NOB1: variants seen among roughly 807,000 people sequenced by gnomAD.
NOB1 encodes RNA-binding protein NOB1.
NOB1 carries 44 observed loss-of-function variants against 44.8 expected under a neutral mutation model. That is an observed-to-expected ratio of 0.98 (90% CI 0.77 to 1.26). NOB1 has a LOEUF of 1.26. Among genes scored for constraint, NOB1 ranks in the 50% most tolerant of loss-of-function variants. The probability of loss-of-function intolerance (pLI) is 0.00; values close to 1 mark genes in which losing one functional copy is unlikely to be tolerated. For missense variants in NOB1, 560 were observed against 544.8 expected, an observed-to-expected ratio of 1.03 and a Z score of -0.28; for synonymous variants, 238 against 218.7, an observed-to-expected ratio of 1.09 and a Z score of -0.78.
rs1214638819 is a variant in NOB1 at position 69,742,614 on chromosome 16, CAAGG to C, written c.970-17_970-14del. The stretch of plus-strand genomic sequence containing the variant: ...TGGGAAGCGAGTACTGGAAATAAGA[CAAGG>C]AAGGGCCATTAGAAGAAGGGGAGCC... On this transcript the variant is annotated splice_polypyrimidine_tract_variant and intron_variant, in intron 8 of 8. Coordinates refer to ENST00000268802, the MANE Select transcript of NOB1 (RefSeq NM_014062.3). 2 of 1,612,810 alleles carry C rather than the reference CAAGG, an allele frequency of 1.2e-6. No individual in the cohort carries two copies. The highest frequency in any genetic ancestry group is 1.3e-5 in the African/African-American group (1 of 74,832).
intron 3 of NOB1, among the ~76,000 whole-genome samples, chr16:69,750,526 C>T (rs1318216726): frequency 2.6e-5 from 4 of 152,058 alleles, no homozygotes; most frequent in East Asian, 3.9e-4. Flanking sequence ...ACTCGGGAGG[C>T]TGAGGTAGGA....
At chr16:69,752,812 G>A (rs959357293) in intron 2 of NOB1, among the ~76,000 whole-genome samples, 1 of 152,134 alleles carries the variant, frequency 6.6e-6, no homozygotes, top group African/African-American at 2.4e-5. Flanking sequence ...GGGGGGGCCT[G>A]TAATCCCAGC....
chr16:69,748,915 C>T lies in NOB1; in HGVS notation c.726+3G>A. Reference sequence around the variant, plus strand: ...ACACACGGCCCAGGCCCACCCTACCCACCTGCATGGCGAAGTCTGTGGTCA... The same window carrying T: ...ACACACGGCCCAGGCCCACCCTACCTACCTGCATGGCGAAGTCTGTGGTCA... On this transcript the variant is annotated splice_donor_region_variant and intron_variant, in intron 6 of 8. Transcript: ENST00000268802. 3 of 1,598,294 alleles carry T rather than the reference C, an allele frequency of 1.9e-6. No individual in the cohort carries two copies. Among genetic ancestry groups the T allele is most frequent in the Non-Finnish European group, 2.6e-6 (3 of 1,171,442 alleles).
At position 69,748,235 on chromosome 16, in the gene NOB1, A is replaced by T. The variant is rs2038449600; in HGVS notation, c.821T>A (p.Phe274Tyr). The change falls in exon 7 of 9, where the codon TTC becomes TAC. Residue 274 changes from phenylalanine to tyrosine, a missense_variant. Physicochemically the swap from Phe to Tyr is conservative, Grantham distance 22. Transcript: ENST00000268802. ...GGCCAGGGCACCAGCTACATACTTG[A>T]AACAGCCATGGCAGCGCAAGATGTA... is the stretch of plus-strand genomic sequence containing the variant. ...RSYILRCHGC[F>Y]KTTSDMSRVF... The T allele has an allele frequency of 6.2e-7, 1 of 1,612,650 alleles. No individual in the cohort carries two copies. Among genetic ancestry groups the T allele is most frequent in the African/African-American group, 1.3e-5 (1 of 75,004 alleles).
chr16:69,750,908 T>C (rs1268082693), intron 3 of NOB1, among the ~76,000 whole-genome samples: 1 of 152,212 alleles, frequency 6.6e-6, no homozygotes, highest in African/African-American at 2.4e-5. Context: ...TTAAAATTTT[T>C]GACTTCTAAA....
intron 8 of NOB1, among the ~76,000 whole-genome samples, chr16:69,744,495 C>T (rs1159139303): frequency 1.3e-5 from 2 of 152,170 alleles, no homozygotes; most frequent in African/African-American, 2.4e-5. Context: ...CGATTCTCTG[C>T]GTCGGCAGCT....
rs1203166067 is a variant in NOB1 at position 69,742,186 on chromosome 16, C to T, written c.*146G>A. On this transcript the variant is annotated 3_prime_UTR_variant, in exon 9 of 9. Transcript: ENST00000268802. Reference sequence around the variant, plus strand: ...ACAGTCCAGTTCCCTGCAGACCCAGCGGGGCATGGGCGGACAGAGCCGCAC... The same window carrying T: ...ACAGTCCAGTTCCCTGCAGACCCAGTGGGGCATGGGCGGACAGAGCCGCAC... The T allele has an allele frequency of 1.5e-5, 15 of 1,027,138 alleles. No individual in the cohort carries two copies. The highest frequency in any genetic ancestry group is 1.6e-5 in the South Asian group (1 of 60,742). 63.6% of individuals were successfully genotyped at this position (1,027,138 alleles called of 1,614,324 possible).
chr16:69,745,071 T>C, intron 7 of NOB1, 54 bp from the exon 8 acceptor site: 1 of 1,597,714 alleles, frequency 6.3e-7, no homozygotes, highest in African/African-American at 1.3e-5. Flanking sequence ...AGCAAACGCC[T>C]CCCCAGAGCA....
At chr16:69,754,071 G>C (rs555216702) in intron 2 of NOB1, among the ~76,000 whole-genome samples, 2 of 152,252 alleles carry the variant, frequency 1.3e-5, no homozygotes, top group South Asian at 4.1e-4. Context: ...TCCCAGTGCT[G>C]GGATTACAGG....
chr16:69,751,878 A>G (rs2038485292), intron 3 of NOB1, among the ~76,000 whole-genome samples: 2 of 152,194 alleles, frequency 1.3e-5, no homozygotes, highest in Admixed American at 6.5e-5. Context: ...CCTGACCAAC[A>G]TGGCGAAACC....
chr16:69,742,512 T>G lies in NOB1; in HGVS notation c.1059A>C (p.Gln353His), dbSNP rs2038392231. The G allele has an allele frequency of 1.2e-6, 2 of 1,614,018 alleles. No homozygotes were observed. The highest frequency in any genetic ancestry group is 2.7e-5 in the African/African-American group (2 of 74,914). Residue 353 changes from glutamine to histidine, a missense_variant, in exon 9 of 9, where the codon CAA (glutamine) becomes CAC (histidine). Physicochemically the swap from Gln to His is conservative, Grantham distance 24. Transcript: ENST00000268802. ...ACACGTTGGTTTTCTGCCTGGCCTT[T>G]TGGGAGAGTCGCAGCTGAGGGAAGC... ...DQRFPQLRLS[Q>H]KARQKTNVFA...
rs370161606 is a variant in NOB1 at position 69,754,844 on chromosome 16, G to A, written c.63+4C>T. 1.7e-4 allele frequency: 272 copies of A among 1,602,704 alleles called. No individual in the cohort carries two copies. Among genetic ancestry groups the A allele is most frequent in the Non-Finnish European group, 1.7e-4 (195 of 1,175,660 alleles). On this transcript the variant is annotated splice_donor_region_variant and intron_variant, in intron 1 of 8. Coordinates refer to ENST00000268802, the MANE Select transcript of NOB1 (RefSeq NM_014062.3). ...TCTCTCGTCCCGGAGGGAGCTCCCCGTACCTGCAGAGCCGCATGCCGCAGG... is the reference window on the plus strand; with the variant it reads ...TCTCTCGTCCCGGAGGGAGCTCCCCATACCTGCAGAGCCGCATGCCGCAGG...
At position 69,754,906 on chromosome 16, in the gene NOB1, G is replaced by T. The variant is rs1221169615; in HGVS notation, c.5C>A (p.Ala2Asp). The T allele has an allele frequency of 3.2e-6, 5 of 1,584,068 alleles. No homozygotes were observed. Among genetic ancestry groups the T allele is most frequent in the South Asian group, 2.3e-5 (2 of 87,746 alleles). ...ATCCGCCACAACGTGCTCCACTGGA[G>T]CCATGTTGGCTGCGTGAGAGGGGAG... is the stretch of plus-strand genomic sequence containing the variant. Reference protein sequence around the residue: MAPVEHVVADAG... With the variant: MDPVEHVVADAG... Residue 2 changes from alanine (A) to aspartate (D), a missense_variant, in exon 1 of 9, where the codon GCT (alanine) becomes GAT (aspartate). Coordinates refer to ENST00000268802, the MANE Select transcript of NOB1 (RefSeq NM_014062.3).
chr16:69,742,751 C>T (rs1162518758), intron 8 of NOB1, 150 bp from the exon 9 acceptor site: 9 of 744,198 alleles, frequency 1.2e-5, no homozygotes, highest in Admixed American at 5.4e-5. Context: ...CTACGTGTGA[C>T]ATGCCGCCGC....
chr16:69,752,808 G>A (rs1182644766), intron 2 of NOB1, among the ~76,000 whole-genome samples: 5 of 152,044 alleles, frequency 3.3e-5, no homozygotes, highest in Non-Finnish European at 5.9e-5. Flanking sequence ...TAGCGGGGGG[G>A]CCTGTAATCC....
At chr16:69,751,399 A>G (rs1050590049) in intron 3 of NOB1, among the ~76,000 whole-genome samples, 2 of 152,066 alleles carry the variant, frequency 1.3e-5, no homozygotes, top group African/African-American at 2.4e-5. Context: ...TTTCCCAAAA[A>G]CCTACAGATC....
rs772853629 is a variant in NOB1 at position 69,749,346 on chromosome 16, TAAAAG to T, written c.400-13_400-9del. ...TTCTTGTGGGGGTTTAGGCTGAAAT[TAAAAG>T]AAACAATTTTAAAACCTGAAAATTC... On this transcript the variant is annotated splice_polypyrimidine_tract_variant and intron_variant, in intron 4 of 8. Coordinates refer to ENST00000268802, the MANE Select transcript of NOB1 (RefSeq NM_014062.3). The T allele has an allele frequency of 1.2e-4, 184 of 1,579,668 alleles. No homozygotes were observed. The highest frequency in any genetic ancestry group is 1.0e-4 in the Admixed American group (5 of 48,688).
At chr16:69,747,618 T>A (rs116750958) in intron 7 of NOB1, among the ~76,000 whole-genome samples, 1 of 152,306 alleles carries the variant, frequency 6.6e-6, no homozygotes, top group African/African-American at 2.4e-5. Context: ...TTGTGGATTT[T>A]GTCAAAGCAA....
chr16:69,746,539 T>C (rs1451697476), intron 7 of NOB1, among the ~76,000 whole-genome samples: 1 of 152,248 alleles, frequency 6.6e-6, no homozygotes, highest in Non-Finnish European at 1.5e-5. Flanking sequence ...ACGCTGCTTA[T>C]GTATTGGATA....
Sources: allele counts gnomAD v4.1 joint callset (sites outside exome capture counted in the v4.1 genomes callset), GRCh38; gene constraint gnomAD v4.1.1; transcripts MANE v1.5; gene names NCBI Gene and HGNC (gene_info 2026-07-23, HGNC 2026-07-21).